Variants in SDC3 observed in about 807,000 individuals in gnomAD.
SDC3 encodes syndecan-3.
SDC3 carries 13 observed loss-of-function variants against 24.4 expected under a neutral mutation model. The observed-to-expected ratio is 0.53, with a 90% CI of 0.35 to 0.85. The LOEUF (loss-of-function observed/expected upper bound fraction) is 0.85, where lower values mean the gene tolerates loss of function less well. Ranked by LOEUF, SDC3 falls within the 40% of genes least tolerant of loss-of-function variation. The pLI is 0.01. For missense variants in SDC3, 571 were observed against 584.5 expected, an observed-to-expected ratio of 0.98 and a Z score of 0.24; for synonymous variants, 295 against 260.9, an observed-to-expected ratio of 1.13 and a Z score of -1.26.
At chr1:30,908,025 G>C (rs112712949) in intron 1 of SDC3, among the ~76,000 whole-genome samples, 161 of 152,286 alleles carry the variant, frequency 1.1e-3, no homozygotes, top group African/African-American at 3.7e-3. Context: ...GCCCGCCGCC[G>C]GGTCCTTCTC....
In SDC3 at chr1:30,872,496, A is replaced by G. The variant is rs916354769; in HGVS notation, c.*715T>C. ...TGAAAATATGGTGATAGTGTGGGCAATGGTGTCTGTGCAGAGTCCCCTCAT... is the reference window on the plus strand; with the variant it reads ...TGAAAATATGGTGATAGTGTGGGCAGTGGTGTCTGTGCAGAGTCCCCTCAT... On this transcript the variant is annotated 3_prime_UTR_variant, in exon 5 of 5. Coordinates refer to ENST00000339394, the MANE Select transcript of SDC3 (RefSeq NM_014654.4). 1.3e-5 allele frequency: 2 copies of G among 152,332 alleles called. No homozygotes were observed. The highest frequency in any genetic ancestry group is 4.8e-5 in the African/African-American group (2 of 41,416). 9.4% of individuals were successfully genotyped at this position (152,332 alleles called of 1,614,324 possible). A position where few individuals can be genotyped will look rare whatever the true frequency, so the allele number is the denominator to read the frequency against.
intron 1 of SDC3, among the ~76,000 whole-genome samples, chr1:30,907,091 G>A (rs530006227): frequency 5.3e-5 from 8 of 152,334 alleles, no homozygotes; most frequent in Admixed American, 3.9e-4. Flanking sequence ...CTGGCCCACT[G>A]AGGCTGGGAA....
chr1:30,875,362 C>A (rs1352920335), intron 3 of SDC3, among the ~76,000 whole-genome samples: 2 of 152,310 alleles, frequency 1.3e-5, no homozygotes, highest in South Asian at 2.1e-4. Context: ...GGGCTCCGTG[C>A]CCCATCACTG....
chr1:30,893,633 C>T (rs1246805168), intron 1 of SDC3, among the ~76,000 whole-genome samples: 1 of 152,052 alleles, frequency 6.6e-6, no homozygotes, highest in Admixed American at 6.6e-5. Flanking sequence ...ATCATTTTCC[C>T]ATAAGTCAGA....
intron 1 of SDC3, among the ~76,000 whole-genome samples, chr1:30,894,237 G>C (rs186469581): frequency 6.9e-6 from 1 of 145,126 alleles, no homozygotes; most frequent in African/African-American, 2.5e-5. Flanking sequence ...GGGGACGACA[G>C]CGTGTGTGTG....
At chr1:30,878,570 T>C in intron 2 of SDC3, 53 bp downstream of exon 2, 2 of 1,468,736 alleles carry the variant, frequency 1.4e-6, no homozygotes, top group Admixed American at 1.7e-5. Flanking sequence ...GAGTTGAGGC[T>C]GGATACAGAC....
rs11338317 is a variant in SDC3 at position 30,869,536 on chromosome 1, C to CAAAAAAAAAAAAAAAAAAA, written c.*3656_*3674dup. The stretch of plus-strand genomic sequence containing the variant: ...AGGAAGTGTTAAAAAAACAAACAAA[C>CAAAAAAAAAAAAAAAAAAA]AAAAAAAAAAAAAAAAAAAAAAAAA... On this transcript the variant is annotated 3_prime_UTR_variant, in exon 5 of 5. Coordinates refer to ENST00000339394, the MANE Select transcript of SDC3 (RefSeq NM_014654.4). 1.1e-5 allele frequency: 4 copies of CAAAAAAAAAAAAAAAAAAA among 348,280 alleles called. No homozygotes were observed. The highest frequency in any genetic ancestry group is 1.5e-5 in the Non-Finnish European group (3 of 203,922). 21.6% of individuals were successfully genotyped at this position (348,280 alleles called of 1,614,324 possible). A position where few individuals can be genotyped will look rare whatever the true frequency, so the allele number is the denominator to read the frequency against.
rs1638417256 is a variant in SDC3 at position 30,901,722 on chromosome 1, AG to A, written c.138+6726del. Among the ~76,000 whole-genome samples the A allele has an allele frequency of 4.6e-5, 7 of 152,156 alleles. No individual in the cohort carries two copies. The South Asian group carries it at 1.5e-3, about 32-fold the overall frequency. On this transcript the variant is annotated intron_variant, in intron 1 of 4. Coordinates refer to ENST00000339394, the MANE Select transcript of SDC3 (RefSeq NM_014654.4). ...AAACTTAGTTCCCCCTCTCTCCAAA[AG>A]AAAACCCTGCTCCTCACCCCCAAGC...
chr1:30,890,204 G>A (rs1639885358), intron 1 of SDC3, among the ~76,000 whole-genome samples: 1 of 152,142 alleles, frequency 6.6e-6, no homozygotes, highest in Non-Finnish European at 1.5e-5. Flanking sequence ...CAGCTATTTG[G>A]GAGGCTGAGG....
chr1:30,905,987 A>G (rs75621269), intron 1 of SDC3, among the ~76,000 whole-genome samples: 2,257 of 151,788 alleles, frequency 0.015, 26 homozygotes, highest in Middle Eastern at 0.037. Context: ...ACACACACAC[A>G]CAAAGGCTGG....
At chr1:30,884,409 G>A (rs1182456464) in intron 1 of SDC3, among the ~76,000 whole-genome samples, 1 of 152,040 alleles carries the variant, frequency 6.6e-6, no homozygotes, top group Non-Finnish European at 1.5e-5. Context: ...CAGAGGGCAG[G>A]AAATGTTCCC....
intron 1 of SDC3, among the ~76,000 whole-genome samples, chr1:30,892,144 T>A (rs530693696): frequency 1.3e-5 from 2 of 152,058 alleles, no homozygotes; most frequent in African/African-American, 4.8e-5. Context: ...TCCAAACACC[T>A]GCCAGGGCTC....
Position 30,876,756 on chromosome 1 carries a change from T to C in SDC3, c.666A>G (p.Ala222=), listed in dbSNP as rs1240938836. 5 of 1,587,622 alleles carry C rather than the reference T, an allele frequency of 3.1e-6. No individual in the cohort carries two copies. Among genetic ancestry groups the C allele is most frequent in the Admixed American group, 1.8e-5 (1 of 56,786 alleles). The part of the protein sequence containing the change: ...LPLPLTTVAT[A]RATTPEAPSP... ...AGGGCGCCTCGGGGGTAGTGGCCCG[T>C]GCCGTAGCCACTGTGGTCAGTGGGA... Residue 222 remains alanine (A), a synonymous_variant, in exon 3 of 5, where the codon GCA becomes GCG. Transcript: ENST00000339394.
intron 4 of SDC3, among the ~76,000 whole-genome samples, chr1:30,873,723 C>T (rs1009328701): frequency 5.3e-5 from 8 of 152,080 alleles, no homozygotes; most frequent in Admixed American, 3.9e-4. Flanking sequence ...ATATGACATA[C>T]CCCAACTACA....
At chr1:30,877,214 AG>A (rs746124974) in intron 2 of SDC3, 49 bp from the exon 3 acceptor site, 45 of 1,610,502 alleles carry the variant, frequency 2.8e-5, no homozygotes, top group Non-Finnish European at 3.8e-5. Flanking sequence ...GGTGGTTGTG[AG>A]GGGCATGAGG....
At chr1:30,904,545 C>T (rs1217986515) in intron 1 of SDC3, among the ~76,000 whole-genome samples, 1 of 152,090 alleles carries the variant, frequency 6.6e-6, no homozygotes, top group Non-Finnish European at 1.5e-5. Context: ...GCACCAACCC[C>T]CAACACACTG....
chr1:30,889,004 G>A (rs1639869812), intron 1 of SDC3, among the ~76,000 whole-genome samples: 1 of 152,216 alleles, frequency 6.6e-6, no homozygotes, highest in South Asian at 2.1e-4. Flanking sequence ...GGTGAGAAAG[G>A]GAGGGAAGGA....
chr1:30,894,230 G>A (rs1211106351), intron 1 of SDC3, among the ~76,000 whole-genome samples: 25 of 147,806 alleles, frequency 1.7e-4, no homozygotes. Flanking sequence ...AGTGTGTGGG[G>A]ACGACAGCGT....
rs567851608 is a variant in SDC3 at position 30,880,486 on chromosome 1, G to A, written c.139-1746C>T. Reference sequence around the variant, plus strand: ...GCTGATGAGGCAAGGCTGGGGAAGGGGCCACCTCAGTAATTTTCCAAACCT... The same window carrying A: ...GCTGATGAGGCAAGGCTGGGGAAGGAGCCACCTCAGTAATTTTCCAAACCT... On this transcript the variant is annotated intron_variant, in intron 1 of 4. Coordinates refer to ENST00000339394, the MANE Select transcript of SDC3 (RefSeq NM_014654.4). 2.0e-5 allele frequency: 3 copies of A among 152,256 alleles called. No homozygotes were observed. The East Asian group carries it at 5.8e-4, about 29-fold the overall frequency. 9.4% of individuals were successfully genotyped at this position (152,256 alleles called of 1,614,324 possible).
Sources: allele counts gnomAD v4.1 joint callset (sites outside exome capture counted in the v4.1 genomes callset), GRCh38; gene constraint gnomAD v4.1.1; transcripts MANE v1.5; gene names NCBI Gene and HGNC (gene_info 2026-07-23, HGNC 2026-07-21).